The following NRXN2 variants were observed in gnomAD, a reference collection of about 807,000 sequenced individuals.
NRXN2 encodes the protein neurexin-2-beta.
NRXN2 carries 29 observed loss-of-function variants against 128.8 expected under a neutral mutation model. The observed-to-expected ratio is 0.23, with a 90% confidence interval of 0.17 to 0.31. NRXN2 has a LOEUF of 0.31. NRXN2 is among the 10% of genes least tolerant of loss of function. The probability of loss-of-function intolerance (pLI) is 1.00; values close to 1 mark genes in which losing one functional copy is unlikely to be tolerated. For synonymous variants in NRXN2, 1,098 were observed against 1,075.2 expected (o/e 1.02, Z -0.41); for missense variants, 1,881 against 2,452.6 (o/e 0.77, Z 4.92).
intron 5 of NRXN2, chr11:64,688,470 G>A (rs572641509): frequency 4.1e-6 from 4 of 985,472 alleles, no homozygotes; most frequent in Non-Finnish European, 4.8e-6. Flanking sequence ...ATGACTTCAA[G>A]GGACTGGTGG....
At chr11:64,668,626 G>A (rs2050210932) in intron 7 of NRXN2, 22 bp from the exon 8 acceptor site, 1 of 1,608,536 alleles carries the variant, frequency 6.2e-7, no homozygotes, top group East Asian at 2.2e-5. Context: ...AGGAGGGAGG[G>A]AGAAAGACAG....
At chr11:64,681,309 A>T (rs1369649894) in intron 6 of NRXN2, among the ~76,000 whole-genome samples, 5 of 152,082 alleles carry the variant, frequency 3.3e-5, no homozygotes, top group Admixed American at 3.3e-4. Flanking sequence ...AACTACAAAC[A>T]CTCAATAGTT....
At chr11:64,626,428 G>GTTAA (rs781331951) in intron 20 of NRXN2, 35 bp downstream of exon 20, 25 of 1,480,714 alleles carry the variant, frequency 1.7e-5, no homozygotes, top group East Asian at 9.3e-5. Flanking sequence ...TGTTTTTAAA[G>GTTAA]TTAATTAATT....
chr11:64,695,110 T>G (rs1024530749), intron 3 of NRXN2, among the ~76,000 whole-genome samples: 3 of 152,114 alleles, frequency 2.0e-5, no homozygotes, highest in Admixed American at 6.5e-5. Context: ...CAGTCCCAGC[T>G]GGCCCCAGGG....
At chr11:64,640,928 A>G (rs966742710) in intron 17 of NRXN2, among the ~76,000 whole-genome samples, 6 of 152,084 alleles carry the variant, frequency 3.9e-5, no homozygotes, top group Non-Finnish European at 7.4e-5. Flanking sequence ...AAGGGTGAAA[A>G]TACAGGAATG....
chr11:64,685,385 C>T (rs1450433411), intron 6 of NRXN2, among the ~76,000 whole-genome samples: 1 of 152,146 alleles, frequency 6.6e-6, no homozygotes, highest in Non-Finnish European at 1.5e-5. Flanking sequence ...ACAATCTGAG[C>T]CCAGTCCTTC....
chr11:64,710,673 A>G (rs1413502392), intron 2 of NRXN2, among the ~76,000 whole-genome samples: 2 of 152,122 alleles, frequency 1.3e-5, no homozygotes, highest in Admixed American at 6.5e-5. Context: ...GAACCAGAGG[A>G]TCAAATTAAG....
rs1057371295 is a variant in NRXN2 at position 64,643,267 on chromosome 11, C to G, written c.3403+4952G>C. 9.2e-6 allele frequency: 9 copies of G among 975,788 alleles called. No homozygotes were observed. In the East Asian group the frequency reaches 3.6e-4, roughly 40 times the overall value. The allele number at this position is 975,788 out of a possible 1,614,324, so 60.4% of individuals were successfully genotyped here. On this transcript the variant is annotated intron_variant, in intron 17 of 22. Coordinates refer to ENST00000265459, the MANE Select transcript of NRXN2 (RefSeq NM_015080.4). The stretch of plus-strand genomic sequence containing the variant: ...AAGAGGGACGGAGACCTGGTTCCCC[C>G]GAAGGCGGGAGACCGACGGCGACTG...
At position 64,607,934 on chromosome 11, in the gene NRXN2, G is replaced by C. The variant is rs761002145; in HGVS notation, c.4401C>G (p.Ala1467=). The C allele has an allele frequency of 4.5e-6, 7 of 1,546,146 alleles. No individual in the cohort carries two copies. The African/African-American group carries it at 8.2e-5, about 18-fold the overall frequency. The change falls in exon 23 of 23, where the codon GCC becomes GCG. Residue 1467 remains alanine (A), a synonymous_variant. Coordinates refer to ENST00000265459, the MANE Select transcript of NRXN2 (RefSeq NM_015080.4). ...GGCCCCCAGAGGGCGGGCGGCGCGC[G>C]GCGGGCGGGGGCAGCGTGTCTTGGG... The part of the protein sequence containing the change: ...GATQDTLPPP[A]ARRPPSGGPC...
chr11:64,715,927 A>ACC (rs200532325), intron 1 of NRXN2, among the ~76,000 whole-genome samples: 1 of 150,362 alleles, frequency 6.7e-6, no homozygotes, highest in Admixed American at 6.6e-5. Context: ...TGACGCCCTC[A>ACC]CCCCCCCACA....
chr11:64,667,771 G>T lies in NRXN2; in HGVS notation c.1360-83C>A. Reference sequence around the variant, plus strand: ...ACTCCCACCCAGCAGCGAGCACCAGGGGACCCAGCCACCCACCCCTGTAGC... The same window carrying T: ...ACTCCCACCCAGCAGCGAGCACCAGTGGACCCAGCCACCCACCCCTGTAGC... On this transcript the variant is annotated intron_variant, in intron 8 of 22. Transcript: ENST00000265459. This position sits in a 1 kb window ranked among gnomAD's most constrained non-coding sequence, Gnocchi z 5.6. The T allele has an allele frequency of 7.3e-7, 1 of 1,371,700 alleles. No individual in the cohort carries two copies. Among genetic ancestry groups the T allele is most frequent in the Non-Finnish European group, 1.0e-6 (1 of 977,840 alleles). 85.0% of individuals were successfully genotyped at this position (1,371,700 alleles called of 1,614,324 possible).
At chr11:64,653,995 G>A (rs2047889806) in intron 11 of NRXN2, among the ~76,000 whole-genome samples, 1 of 152,136 alleles carries the variant, frequency 6.6e-6, no homozygotes, top group East Asian at 1.9e-4. Context: ...TTCTTAGAGG[G>A]TACCAGGCCT....
chr11:64,620,809 T>TCACCACC (rs1473177615), intron 21 of NRXN2, among the ~76,000 whole-genome samples: 1 of 150,296 alleles, frequency 6.7e-6, no homozygotes, highest in East Asian at 2.0e-4. Flanking sequence ...GGCTCCAGCT[T>TCACCACC]CACCACCCAT....
intron 22 of NRXN2, among the ~76,000 whole-genome samples, chr11:64,610,814 T>G (rs1388799597): frequency 2.0e-5 from 3 of 152,224 alleles, no homozygotes; most frequent in Non-Finnish European, 4.4e-5. Context: ...GGTCGTAACC[T>G]GGGCCCAATC....
At chr11:64,702,391 G>A (rs1412797561) in intron 2 of NRXN2, among the ~76,000 whole-genome samples, 1 of 152,008 alleles carries the variant, frequency 6.6e-6, no homozygotes, top group Non-Finnish European at 1.5e-5. Flanking sequence ...TTGAGAAATC[G>A]GATGGTTGCC....
rs779467739 is a variant in NRXN2 at position 64,660,584 on chromosome 11, A to C, written c.2186-49T>G. 6.2e-7 allele frequency: 1 copy of C among 1,602,974 alleles called. No homozygotes were observed. Among genetic ancestry groups the C allele is most frequent in the East Asian group, 2.2e-5 (1 of 44,830 alleles). On this transcript the variant is annotated intron_variant, in intron 10 of 22. Transcript: ENST00000265459. This position sits in a 1 kb window ranked among gnomAD's most constrained non-coding sequence, Gnocchi z 5.2. ...GGGAAGGAGAAGACAGGCAGAGGCC[A>C]GGGGAGGGAGAAGACCAGAGAATCA...
chr11:64,647,207 T>TTTTG (rs936937727), intron 17 of NRXN2, among the ~76,000 whole-genome samples: 1 of 146,552 alleles, frequency 6.8e-6, no homozygotes, highest in African/African-American at 2.5e-5. Context: ...AGACGCTTCG[T>TTTTG]TGTGTGTGTG....
intron 1 of NRXN2, among the ~76,000 whole-genome samples, chr11:64,722,075 C>T (rs550580688): frequency 1.3e-5 from 2 of 152,226 alleles, no homozygotes; most frequent in South Asian, 4.1e-4. Flanking sequence ...CATACCCCAA[C>T]CCAAAGACCC....
Position 64,713,740 on chromosome 11 carries a change from C to G in NRXN2, c.-41G>C, listed in dbSNP as rs2135677758. 2 of 1,019,450 alleles carry G rather than the reference C, an allele frequency of 2.0e-6. No homozygotes were observed. The highest frequency in any genetic ancestry group is 4.7e-4 in the Middle Eastern group (1 of 2,114). 63.2% of individuals were successfully genotyped at this position (1,019,450 alleles called of 1,614,324 possible). Reference sequence around the variant, plus strand: ...GGCCCCGCCCGGCCCCCGGCCCCCGCTCAGGCTTCAGAGCCGCGGGCGCAT... The same window carrying G: ...GGCCCCGCCCGGCCCCCGGCCCCCGGTCAGGCTTCAGAGCCGCGGGCGCAT... On this transcript the variant is annotated 5_prime_UTR_variant, in exon 2 of 23. Transcript: ENST00000265459.
Sources: gnomAD v4.1 joint callset for allele counts (sites outside exome capture counted in the v4.1 genomes callset) on GRCh38, gnomAD v4.1.1 for gene constraint, Gnocchi (gnomAD v3.1) non-coding constraint, MANE v1.5 for transcripts, NCBI Gene and HGNC (gene_info 2026-07-23, HGNC 2026-07-21) for gene names.